CNTN3: variants seen among roughly 807,000 people sequenced by gnomAD.
CNTN3 encodes the protein contactin-3.
In CNTN3, 60 loss-of-function variants were observed where a neutral mutation model predicts 119.1. The ratio of observed to expected loss-of-function variants is 0.50; its 90% CI spans 0.41 to 0.62. CNTN3 has a LOEUF of 0.62. CNTN3 is among the 20% of genes least tolerant of loss of function. CNTN3 has a pLI of 0.00. For missense variants in CNTN3, 1,101 were observed against 1,242.4 expected, an observed-to-expected ratio of 0.89 and a Z score of 1.71; for synonymous variants, 450 against 438.7, an observed-to-expected ratio of 1.03 and a Z score of -0.32.
At chr3:74,427,977 T>A (rs1344115968) in intron 4 of CNTN3, among the ~76,000 whole-genome samples, 1 of 152,166 alleles carries the variant, frequency 6.6e-6, no homozygotes, top group African/African-American at 2.4e-5. Context: ...TAATACACTG[T>A]CATATGCTGT....
intron 1 of CNTN3, among the ~76,000 whole-genome samples, chr3:74,599,751 G>C (rs1290658332): frequency 1.3e-5 from 2 of 152,094 alleles, no homozygotes; most frequent in African/African-American, 2.4e-5. Flanking sequence ...GCCAAGGCAA[G>C]TCACCTGACC....
intron 1 of CNTN3, among the ~76,000 whole-genome samples, chr3:74,587,714 T>A (rs1246282941): frequency 2.6e-5 from 4 of 152,188 alleles, no homozygotes; most frequent in Non-Finnish European, 5.9e-5. Flanking sequence ...TGGGGTTTTC[T>A]AGATATAGAA....
chr3:74,526,168 A>C (rs1703615710), intron 1 of CNTN3, among the ~76,000 whole-genome samples: 1 of 151,848 alleles, frequency 6.6e-6, no homozygotes. Flanking sequence ...CAATTTCGAT[A>C]CTTCAGAAAT....
At chr3:74,323,739 CT>C (rs983114031) in intron 13 of CNTN3, among the ~76,000 whole-genome samples, 4 of 152,064 alleles carry the variant, frequency 2.6e-5, no homozygotes, top group Non-Finnish European at 2.9e-5. Context: ...TGCATTTCCC[CT>C]TTTTTTGACT....
chr3:74,502,940 GTAGA>G (rs1703191037), intron 2 of CNTN3, among the ~76,000 whole-genome samples: 1 of 152,110 alleles, frequency 6.6e-6, no homozygotes, highest in African/African-American at 2.4e-5. Context: ...TTAGAACACA[GTAGA>G]TATTCAATAT....
intron 19 of CNTN3, among the ~76,000 whole-genome samples, chr3:74,294,427 C>A (rs1354190464): frequency 6.6e-6 from 1 of 152,098 alleles, no homozygotes; most frequent in Non-Finnish European, 1.5e-5. Context: ...GGCAGGTGGG[C>A]CTCTACTCCT....
At chr3:74,307,433 T>G (rs572990114) in intron 13 of CNTN3, among the ~76,000 whole-genome samples, 1 of 152,296 alleles carries the variant, frequency 6.6e-6, no homozygotes, top group East Asian at 1.9e-4. Context: ...GTTACAAGTA[T>G]TAACAGTAAA....
rs528984995 is a variant in CNTN3, at chr3:74,505,346, T to C, written c.56-5561A>G. ...TTTTGTTTTGAAGTAAATAAAATGC[T>C]GACCTTGCTTTGCTTCCTTTTTGAT... On this transcript the variant is annotated intron_variant, in intron 2 of 22. Transcript: ENST00000263665. Among the ~76,000 whole-genome samples the C allele has an allele frequency of 2.4e-3, 358 of 152,226 alleles. 2 individuals carry two copies. Among genetic ancestry groups the C allele is most frequent in the African/African-American group, 7.1e-3 (293 of 41,540 alleles).
intron 11 of CNTN3, among the ~76,000 whole-genome samples, chr3:74,348,735 C>G (rs1214912009): frequency 6.6e-6 from 1 of 152,126 alleles, no homozygotes; most frequent in Non-Finnish European, 1.5e-5. Context: ...GCCGGAATGC[C>G]TGACCCATGG....
At chr3:74,492,035 G>C (rs1174885506) in intron 3 of CNTN3, among the ~76,000 whole-genome samples, 1 of 152,062 alleles carries the variant, frequency 6.6e-6, no homozygotes, top group Non-Finnish European at 1.5e-5. Context: ...TAGCCTTGTA[G>C]CTTCAGCTTG....
intron 5 of CNTN3, among the ~76,000 whole-genome samples, chr3:74,408,634 TA>T (rs1373322712): frequency 1.3e-5 from 2 of 152,128 alleles, no homozygotes; most frequent in Admixed American, 1.3e-4. Flanking sequence ...TCTCCCAATT[TA>T]CGGCAGAGAT....
intron 4 of CNTN3, among the ~76,000 whole-genome samples, chr3:74,439,296 C>T (rs1319846342): frequency 6.6e-6 from 1 of 152,014 alleles, no homozygotes; most frequent in Non-Finnish European, 1.5e-5. Flanking sequence ...CACTTGAGGC[C>T]AGGAGTTCGA....
At chr3:74,589,994 A>T (rs1559670449) in intron 1 of CNTN3, among the ~76,000 whole-genome samples, 1 of 149,294 alleles carries the variant, frequency 6.7e-6, no homozygotes, top group Non-Finnish European at 1.5e-5. Context: ...GCATTAGGAG[A>T]TATACCTAAT....
At chr3:74,493,625 T>C (rs1703007167) in intron 3 of CNTN3, among the ~76,000 whole-genome samples, 1 of 152,078 alleles carries the variant, frequency 6.6e-6, no homozygotes, top group Non-Finnish European at 1.5e-5. Flanking sequence ...GACAGGAAAA[T>C]TAGAAATTTA....
intron 1 of CNTN3, among the ~76,000 whole-genome samples, chr3:74,542,701 T>C (rs1021310314): frequency 6.6e-6 from 1 of 152,210 alleles, no homozygotes; most frequent in Non-Finnish European, 1.5e-5. Context: ...CAGTGTAAAT[T>C]TGTCAATCAT....
intron 22 of CNTN3, among the ~76,000 whole-genome samples, chr3:74,266,150 G>A (rs1701656510): frequency 6.6e-6 from 1 of 152,014 alleles, no homozygotes; most frequent in Admixed American, 6.6e-5. Flanking sequence ...GACTATTAAA[G>A]ATCTAAAAGA....
chr3:74,612,319 CTTG>C (rs1400278047), intron 1 of CNTN3, among the ~76,000 whole-genome samples: 2 of 152,310 alleles, frequency 1.3e-5, no homozygotes, highest in Non-Finnish European at 2.9e-5. Flanking sequence ...AAGGCTACAG[CTTG>C]TTGTCCACGG....
In CNTN3 at chr3:74,341,402, A is replaced by ATGAGTGAC. The variant is rs370163184; in HGVS notation, c.1365-4752_1365-4745dup. Among the ~76,000 whole-genome samples the ATGAGTGAC allele has an allele frequency of 3.7e-3, 569 of 152,276 alleles. 2 individuals are homozygous for ATGAGTGAC. Among genetic ancestry groups the ATGAGTGAC allele is most frequent in the African/African-American group, 0.013 (542 of 41,566 alleles). On this transcript the variant is annotated intron_variant, in intron 11 of 22. Transcript: ENST00000263665. Reference sequence around the variant, plus strand: ...CGTAGAGCTGAAAATGTAGATAACGATGAGTGACTCCTGTCTTGGCACAAA... The same window carrying ATGAGTGAC: ...CGTAGAGCTGAAAATGTAGATAACGATGAGTGACTGAGTGACTCCTGTCTTGGCACAAA...
intron 2 of CNTN3, among the ~76,000 whole-genome samples, chr3:74,518,481 A>G (rs377213036): frequency 1.3e-5 from 2 of 151,910 alleles, no homozygotes; most frequent in South Asian, 2.1e-4. Context: ...CAAATACTAC[A>G]GAAGAAATGA....
Sources: allele counts gnomAD v4.1 joint callset (sites outside exome capture counted in the v4.1 genomes callset), GRCh38; gene constraint gnomAD v4.1.1; transcripts MANE v1.5; gene names NCBI Gene and HGNC (gene_info 2026-07-23, HGNC 2026-07-21).